The following ZNF565 variants were observed in gnomAD, a reference collection of about 807,000 sequenced individuals.
The protein encoded by ZNF565 is zinc finger protein 565.
ZNF565 carries 27 observed loss-of-function variants against 39.4 expected under a neutral mutation model. The ratio of observed to expected loss-of-function variants is 0.69; its 90% CI spans 0.51 to 0.95. ZNF565 has a LOEUF of 0.95. ZNF565 is among the 40% of genes least tolerant of loss of function. The pLI is 0.00. For synonymous variants in ZNF565, 185 were observed against 216.6 expected (o/e 0.85, Z 1.28); for missense variants, 524 against 621.1 (o/e 0.84, Z 1.66).
intron 2 of ZNF565, among the ~76,000 whole-genome samples, chr19:36,200,128 C>T (rs928063169): frequency 6.6e-6 from 1 of 151,784 alleles, no homozygotes; most frequent in Non-Finnish European, 1.5e-5. Context: ...CAGGTTCAAG[C>T]GATTCTCGTG....
intron 4 of ZNF565, among the ~76,000 whole-genome samples, chr19:36,187,702 A>T (rs569390492): frequency 1.5e-4 from 23 of 150,192 alleles, no homozygotes; most frequent in African/African-American, 5.2e-4. Flanking sequence ...CAGTGGCATA[A>T]TCTTGGCTCA....
At chr19:36,227,546 G>A (rs1977127823) in intron 1 of ZNF565, among the ~76,000 whole-genome samples, 1 of 151,882 alleles carries the variant, frequency 6.6e-6, no homozygotes, top group African/African-American at 2.4e-5. Context: ...ACCACACCTG[G>A]CTTAAAAATG....
intron 1 of ZNF565, among the ~76,000 whole-genome samples, chr19:36,223,808 G>C (rs1472941312): frequency 6.6e-6 from 1 of 151,672 alleles, no homozygotes; most frequent in Non-Finnish European, 1.5e-5. Context: ...GTGCAGTGGC[G>C]TGATCACAGC....
At chr19:36,217,062 T>C (rs1294598005), upstream of ZNF565, among the ~76,000 whole-genome samples, 31 of 131,338 alleles carry the variant, frequency 2.4e-4, no homozygotes, top group African/African-American at 7.4e-4. Context: ...TGTCTTTTTT[T>C]TTTTTTTTTT....
intron 1 of ZNF565, among the ~76,000 whole-genome samples, chr19:36,209,189 T>A (rs893964394): frequency 1.3e-5 from 2 of 152,120 alleles, no homozygotes; most frequent in Admixed American, 1.3e-4. Flanking sequence ...ACCAAGAAAG[T>A]AACATTATTG....
At chr19:36,220,655 G>A (rs963548600) in intron 1 of ZNF565, among the ~76,000 whole-genome samples, 4 of 151,476 alleles carry the variant, frequency 2.6e-5, no homozygotes, top group Admixed American at 6.6e-5. Context: ...CGTGAGCCAC[G>A]GCGCCCGGCC....
intron 1 of ZNF565, among the ~76,000 whole-genome samples, chr19:36,209,143 A>T (rs1022484741): frequency 3.9e-5 from 6 of 152,132 alleles, no homozygotes; most frequent in African/African-American, 1.4e-4. Context: ...TTACCCTAAA[A>T]TGGTAAATTC....
intron 1 of ZNF565, chr19:36,237,101 TTC>T: frequency 6.2e-7 from 1 of 1,614,168 alleles, no homozygotes; most frequent in Non-Finnish European, 8.5e-7. Flanking sequence ...TGGAAAAGCC[TTC>T]TCTCAGAGCT....
chr19:36,222,630 A>ATT (rs148873756), intron 1 of ZNF565, among the ~76,000 whole-genome samples: 1 of 151,474 alleles, frequency 6.6e-6, no homozygotes, highest in African/African-American at 2.4e-5. Flanking sequence ...ATGAATGAGA[A>ATT]TTTTTTTTTA....
At chr19:36,234,386 T>C (rs1256040480) in intron 1 of ZNF565, among the ~76,000 whole-genome samples, 1 of 152,148 alleles carries the variant, frequency 6.6e-6, no homozygotes, top group Admixed American at 6.5e-5. Flanking sequence ...CTCTCCCATA[T>C]AACAAAATAC....
intron 4 of ZNF565, among the ~76,000 whole-genome samples, chr19:36,191,011 C>T (rs1599919080): frequency 7.5e-6 from 1 of 134,052 alleles, no homozygotes; most frequent in Non-Finnish European, 1.6e-5. Context: ...AAAAAAAAAA[C>T]ACATAAAAAC....
chr19:36,183,835 C>T (rs1339106832), intron 4 of ZNF565, 102 bp from the exon 5 acceptor site: 3 of 1,085,650 alleles, frequency 2.8e-6, no homozygotes, highest in Non-Finnish European at 3.9e-6. Context: ...ATCTGTAATC[C>T]CAGCACTTTG....
At chr19:36,186,059 C>A (rs532068014) in intron 4 of ZNF565, among the ~76,000 whole-genome samples, 1 of 151,362 alleles carries the variant, frequency 6.6e-6, no homozygotes, top group African/African-American at 2.4e-5. Context: ...TACAGTGGTG[C>A]GATCTCAGCT....
At chr19:36,231,154 G>A (rs1977346367) in intron 1 of ZNF565, among the ~76,000 whole-genome samples, 1 of 152,156 alleles carries the variant, frequency 6.6e-6, no homozygotes. Context: ...CTTGAGGCCA[G>A]GAGTTCGAGA....
At chr19:36,219,932 T>C (rs997525928) in intron 1 of ZNF565, among the ~76,000 whole-genome samples, 1 of 152,244 alleles carries the variant, frequency 6.6e-6, no homozygotes, top group Non-Finnish European at 1.5e-5. Flanking sequence ...TATCTTTTTT[T>C]CCCCCTGGCT....
rs1457939906 is a variant in ZNF565 at position 36,193,601 on chromosome 19, C to T, written c.232+632G>A. Among the ~76,000 whole-genome samples, 4 of 151,816 alleles carry T rather than the reference C, an allele frequency of 2.6e-5. No homozygotes were observed. In the East Asian group the frequency reaches 7.8e-4, roughly 30 times the overall value. Reference sequence around the variant, plus strand: ...AACTACAGGCGCCTACCACCACACCCGGCTAATTTTTTTGTATTTTTAGTA... The same window carrying T: ...AACTACAGGCGCCTACCACCACACCTGGCTAATTTTTTTGTATTTTTAGTA... On this transcript the variant is annotated intron_variant, in intron 4 of 4. Transcript: ENST00000304116.
chr19:36,226,194 C>A (rs1977059214), intron 1 of ZNF565, among the ~76,000 whole-genome samples: 1 of 152,212 alleles, frequency 6.6e-6, no homozygotes, highest in Non-Finnish European at 1.5e-5. Context: ...ATCGATCTCT[C>A]TGCCTGCATG....
intron 1 of ZNF565, among the ~76,000 whole-genome samples, chr19:36,210,329 C>A (rs1364611741): frequency 1.4e-5 from 2 of 144,292 alleles, no homozygotes; most frequent in Non-Finnish European, 3.0e-5. Context: ...GAGGCTGAGG[C>A]AGGAGAATTG....
At chr19:36,208,757 T>C (rs186573090) in intron 1 of ZNF565, among the ~76,000 whole-genome samples, 3 of 152,332 alleles carry the variant, frequency 2.0e-5, no homozygotes, top group African/African-American at 7.2e-5. Context: ...AATCTCCATC[T>C]TAACCTTAGT....
Sources: allele counts gnomAD v4.1 joint callset (sites outside exome capture counted in the v4.1 genomes callset), GRCh38; gene constraint gnomAD v4.1.1; transcripts MANE v1.5; gene names NCBI Gene and HGNC (gene_info 2026-07-23, HGNC 2026-07-21).